The following SPAG1 variants were observed in gnomAD, a reference collection of about 807,000 sequenced individuals.
SPAG1 encodes sperm associated antigen 1.
A neutral mutation model predicts 100.5 loss-of-function variants in SPAG1; 69 were observed. The observed-to-expected ratio is 0.69, with a 90% CI of 0.57 to 0.84. The LOEUF is 0.84. Among genes scored for constraint, SPAG1 ranks in the 40% least tolerant of loss-of-function variants. SPAG1 has a pLI of 0.00. For missense variants in SPAG1, 955 were observed against 1,133.1 expected, an observed-to-expected ratio of 0.84 and a Z score of 2.26; for synonymous variants, 336 against 411.6, an observed-to-expected ratio of 0.82 and a Z score of 2.22.
intron 9 of SPAG1, 97 bp downstream of exon 9, chr8:100,191,593 A>C: frequency 1.3e-6 from 1 of 790,290 alleles, no homozygotes; most frequent in Non-Finnish European, 2.1e-6. Flanking sequence ...ATTATGTTGA[A>C]GATCAGGTCA....
chr8:100,189,516 A>G (rs1416363552), intron 8 of SPAG1, among the ~76,000 whole-genome samples: 1 of 151,662 alleles, frequency 6.6e-6, no homozygotes, highest in Non-Finnish European at 1.5e-5. Context: ...ATTACTAGAC[A>G]TGGTGGTGGG....
At chr8:100,205,582 G>A (rs1817471602) in intron 10 of SPAG1, among the ~76,000 whole-genome samples, 1 of 152,174 alleles carries the variant, frequency 6.6e-6, no homozygotes, top group Non-Finnish European at 1.5e-5. Context: ...TGACTGGTAG[G>A]GTGAAGGCTG....
chr8:100,199,569 C>G (rs1206810879), intron 10 of SPAG1, among the ~76,000 whole-genome samples: 1 of 152,140 alleles, frequency 6.6e-6, no homozygotes, highest in Non-Finnish European at 1.5e-5. Flanking sequence ...CCTCAGCCTC[C>G]CAAGTAGCTG....
At chr8:100,215,649 A>C (rs1817949500) in intron 12 of SPAG1, among the ~76,000 whole-genome samples, 1 of 152,132 alleles carries the variant, frequency 6.6e-6, no homozygotes, top group African/African-American at 2.4e-5. Context: ...CTCAGCCTGG[A>C]GAGTAGCTGG....
At position 100,191,954 on chromosome 8, in the gene SPAG1, G is replaced by T. The variant is rs188270145; in HGVS notation, c.939+458G>T. On this transcript the variant is annotated intron_variant, in intron 9 of 18. Transcript: ENST00000388798. Reference sequence around the variant, plus strand: ...CCTAAAGAGTAGAGGTAAGTGTCAAGAACTGAGATTTTCCCCTGCTTACAA... The same window carrying T: ...CCTAAAGAGTAGAGGTAAGTGTCAATAACTGAGATTTTCCCCTGCTTACAA... Among the ~76,000 whole-genome samples the T allele has an allele frequency of 7.2e-5, 11 of 152,214 alleles. No individual in the cohort carries two copies. The East Asian group carries it at 7.7e-4, about 11-fold the overall frequency.
At chr8:100,162,908 T>G (rs888516173) in intron 2 of SPAG1, among the ~76,000 whole-genome samples, 8 of 151,948 alleles carry the variant, frequency 5.3e-5, no homozygotes, top group Non-Finnish European at 4.4e-5. Context: ...TAGTGATCCC[T>G]GGTTGTGCCA....
rs577805726 is a variant in SPAG1, at chr8:100,175,142, C to T, written c.301-2674C>T. The stretch of plus-strand genomic sequence containing the variant: ...GTGGGGCTACAGGTGCATGTGCCAC[C>T]ACTCCTGGCTTAATGGCTTTTTCTA... On this transcript the variant is annotated intron_variant, in intron 3 of 18. Coordinates refer to ENST00000388798, the MANE Select transcript of SPAG1 (RefSeq NM_003114.5). Among the ~76,000 whole-genome samples the T allele has an allele frequency of 3.5e-4, 53 of 151,848 alleles. 1 individual carries two copies. The highest frequency in any genetic ancestry group is 3.1e-3 in the Admixed American group (47 of 15,244).
At chr8:100,204,594 G>C (rs1817428075) in intron 10 of SPAG1, among the ~76,000 whole-genome samples, 1 of 152,166 alleles carries the variant, frequency 6.6e-6, no homozygotes, top group Non-Finnish European at 1.5e-5. Flanking sequence ...GAGCCAGCTG[G>C]AAATGCCTGA....
At chr8:100,169,493 C>G (rs1418680538) in intron 3 of SPAG1, among the ~76,000 whole-genome samples, 3 of 152,214 alleles carry the variant, frequency 2.0e-5, no homozygotes, top group Admixed American at 1.3e-4. Flanking sequence ...TAATCCAGCA[C>G]TTTGGGAGGC....
chr8:100,240,488 GC>G lies in SPAG1; in HGVS notation c.2367del (p.Ser789ArgfsTer12), dbSNP rs757398573. 23 of 1,614,152 alleles carry G rather than the reference GC, an allele frequency of 1.4e-5. No homozygotes were observed. The Middle Eastern group carries it at 4.9e-4, about 35-fold the overall frequency. ...CLASEKGGKS[S>X]RSPEDPEKLP... ...GCTTCTGAGAAGGGAGGCAAAAGCA[GC>G]AGGTCACCAGAAGACCCTGAGAAAC... On this transcript the variant is annotated frameshift_variant, in exon 18 of 19. Coordinates refer to ENST00000388798, the MANE Select transcript of SPAG1 (RefSeq NM_003114.5). LOFTEE classifies it high-confidence loss of function.
At chr8:100,176,137 G>A (rs538588414) in intron 3 of SPAG1, among the ~76,000 whole-genome samples, 7 of 152,120 alleles carry the variant, frequency 4.6e-5, no homozygotes, top group Non-Finnish European at 7.4e-5. Flanking sequence ...TCTCAATGGC[G>A]CCTGGAAACT....
chr8:100,195,308 T>C (rs2132293961), intron 10 of SPAG1, among the ~76,000 whole-genome samples: 1 of 152,316 alleles, frequency 6.6e-6, no homozygotes, highest in South Asian at 2.1e-4. Flanking sequence ...TGTAAGTAAT[T>C]TGACAGAATA....
intron 10 of SPAG1, among the ~76,000 whole-genome samples, chr8:100,208,902 C>T (rs1411469790): frequency 6.6e-6 from 1 of 151,966 alleles, no homozygotes; most frequent in Non-Finnish European, 1.5e-5. Context: ...TTCAAATTGA[C>T]AAGGGGTGGT....
chr8:100,216,664 GTTTTC>G (rs1223851635), intron 12 of SPAG1, among the ~76,000 whole-genome samples: 1 of 152,160 alleles, frequency 6.6e-6, no homozygotes, highest in African/African-American at 2.4e-5. Context: ...CTACTCAGAT[GTTTTC>G]TTTGATAGCT....
In SPAG1 at chr8:100,220,473, T is replaced by C. The variant is rs2919471; in HGVS notation, c.1688+42T>C. 0.62 allele frequency: 969,534 copies of C among 1,558,404 alleles called. 304,281 individuals carry two copies. The highest frequency in any genetic ancestry group is 0.84 in the African/African-American group (61,018 of 72,960). On this transcript the variant is annotated intron_variant, in intron 13 of 18. Coordinates refer to ENST00000388798, the MANE Select transcript of SPAG1 (RefSeq NM_003114.5). The stretch of plus-strand genomic sequence containing the variant: ...AGCTACCTAAAATCTAGTTGTTTTA[T>C]ACTGTTTTTCCCTTCCCCTCCTTCA...
intron 16 of SPAG1, 128 bp downstream of exon 16, chr8:100,233,665 T>C: frequency 2.3e-6 from 2 of 884,046 alleles, no homozygotes; most frequent in Non-Finnish European, 3.3e-6. Context: ...AGAACTGTAC[T>C]AACCAGTTCT....
rs1817013669 is a variant in SPAG1 at position 100,195,938 on chromosome 8, T to C, written c.1096+1670T>C. On this transcript the variant is annotated intron_variant, in intron 10 of 18. Coordinates refer to ENST00000388798, the MANE Select transcript of SPAG1 (RefSeq NM_003114.5). Reference sequence around the variant, plus strand: ...CCCAGCTCTTCTCTATTCCTATAGCTTTACCTTTTCCAGAATGTCCTATAA... The same window carrying C: ...CCCAGCTCTTCTCTATTCCTATAGCCTTACCTTTTCCAGAATGTCCTATAA... Among the ~76,000 whole-genome samples the C allele has an allele frequency of 2.0e-5, 3 of 152,194 alleles. 1 individual carries two copies. In the South Asian group the frequency reaches 6.2e-4, roughly 32 times the overall value.
intron 3 of SPAG1, 93 bp downstream of exon 3, chr8:100,166,066 C>T (rs1053373655): frequency 3.3e-5 from 38 of 1,154,292 alleles, no homozygotes; most frequent in Admixed American, 5.3e-5. Context: ...CTTGTTTGTC[C>T]GTAAAGGGCT....
At chr8:100,209,081 G>A (rs184443519) in intron 10 of SPAG1, among the ~76,000 whole-genome samples, 11 of 152,156 alleles carry the variant, frequency 7.2e-5, no homozygotes, top group Middle Eastern at 3.4e-3. Flanking sequence ...AGCTGCCAGC[G>A]AATATAAAGC....
Sources: allele counts gnomAD v4.1 joint callset (sites outside exome capture counted in the v4.1 genomes callset), GRCh38; gene constraint gnomAD v4.1.1; transcripts MANE v1.5; gene names NCBI Gene and HGNC (gene_info 2026-07-23, HGNC 2026-07-21).